MYT1L: variants seen among roughly 807,000 people sequenced by gnomAD.
MYT1L encodes myelin transcription factor 1 like, also known as myelin transcription factor 1-like protein.
In MYT1L, 12 loss-of-function variants were observed where a neutral mutation model predicts 126.7. The observed-to-expected ratio is 0.09, with a 90% CI of 0.06 to 0.15. The LOEUF is 0.15. Ranked by LOEUF, MYT1L falls within the 10% of genes least tolerant of loss-of-function variation. The probability of loss-of-function intolerance (pLI) is 1.00; values close to 1 mark genes in which losing one functional copy is unlikely to be tolerated. For missense variants in MYT1L, 979 were observed against 1,585.2 expected, an observed-to-expected ratio of 0.62 and a Z score of 6.49; for synonymous variants, 541 against 604.2, an observed-to-expected ratio of 0.90 and a Z score of 1.53.
intron 21 of MYT1L, among the ~76,000 whole-genome samples, chr2:1,820,932 G>A (rs200358100): frequency 2.0e-3 from 257 of 131,142 alleles, no homozygotes; most frequent in African/African-American, 7.2e-3. Flanking sequence ...ATATAACTAA[G>A]GTTTCCCCGA....
chr2:1,990,546 A>G (rs1405522564), intron 5 of MYT1L, among the ~76,000 whole-genome samples: 2 of 151,874 alleles, frequency 1.3e-5, no homozygotes, highest in East Asian at 1.9e-4. Context: ...AAGGAGCTCA[A>G]CCTCCCAGGG....
intron 5 of MYT1L, among the ~76,000 whole-genome samples, chr2:1,991,654 T>C (rs1022557317): frequency 2.6e-5 from 4 of 152,112 alleles, no homozygotes; most frequent in Non-Finnish European, 5.9e-5. Context: ...TGTCCATCCC[T>C]CTCGCCTGGT....
chr2:2,046,101 A>G (rs1159128011), intron 4 of MYT1L, among the ~76,000 whole-genome samples: 1 of 152,240 alleles, frequency 6.6e-6, no homozygotes, highest in Non-Finnish European at 1.5e-5. Context: ...TATGCATGGC[A>G]CAGCATTCTT....
intron 4 of MYT1L, among the ~76,000 whole-genome samples, chr2:2,025,694 G>A (rs372822319): frequency 2.0e-5 from 3 of 152,340 alleles, no homozygotes; most frequent in African/African-American, 7.2e-5. Context: ...ACTCACCTGT[G>A]ACAGTGTGAC....
chr2:1,963,406 G>A (rs1422968441), intron 8 of MYT1L, among the ~76,000 whole-genome samples: 1 of 152,206 alleles, frequency 6.6e-6, no homozygotes, highest in Non-Finnish European at 1.5e-5. Context: ...GAATGTAAAT[G>A]AGCATAAGCT....
intron 2 of MYT1L, among the ~76,000 whole-genome samples, chr2:2,264,992 C>G (rs6753548): frequency 0.59 from 89,650 of 151,846 alleles, 27,132 homozygotes; most frequent in East Asian, 0.9. Flanking sequence ...ACTTACTGGT[C>G]AGAACATCTT....
At chr2:2,277,397 C>T (rs1362635843) in intron 2 of MYT1L, among the ~76,000 whole-genome samples, 1 of 152,304 alleles carries the variant, frequency 6.6e-6, no homozygotes, top group Admixed American at 6.5e-5. Context: ...TGTTACCTCC[C>T]ATCAAGTAAT....
At chr2:2,220,670 G>C (rs2093835352) in intron 2 of MYT1L, among the ~76,000 whole-genome samples, 1 of 152,138 alleles carries the variant, frequency 6.6e-6, no homozygotes, top group Non-Finnish European at 1.5e-5. Flanking sequence ...GTATGGCAAA[G>C]AAGCATGTTT....
chr2:2,180,129 T>C (rs2091251240), intron 2 of MYT1L, among the ~76,000 whole-genome samples: 2 of 152,186 alleles, frequency 1.3e-5, no homozygotes, highest in Non-Finnish European at 2.9e-5. Context: ...CTGTTCATTT[T>C]TGTATTACCA....
chr2:2,272,008 C>A (rs536439712), intron 2 of MYT1L, among the ~76,000 whole-genome samples: 11 of 152,346 alleles, frequency 7.2e-5, no homozygotes, highest in Admixed American at 2.0e-4. Context: ...TCACAGGCTA[C>A]ACGGCTGCCT....
intron 18 of MYT1L, among the ~76,000 whole-genome samples, chr2:1,881,787 C>G (rs774249193): frequency 8.6e-5 from 13 of 151,354 alleles, no homozygotes; most frequent in African/African-American, 1.7e-4. Context: ...AATAAATTCT[C>G]TGTGTGTGTG....
chr2:1,996,702 T>C (rs1290177821), intron 5 of MYT1L, among the ~76,000 whole-genome samples: 42 of 106,376 alleles, frequency 3.9e-4, no homozygotes, highest in Admixed American at 6.1e-4. Flanking sequence ...CGAGTGTAGA[T>C]GGGCCGCCTT....
At chr2:2,180,598 CTGTG>C (rs146382891) in intron 2 of MYT1L, among the ~76,000 whole-genome samples, 11 of 148,354 alleles carry the variant, frequency 7.4e-5, no homozygotes, top group African/African-American at 2.5e-4. Context: ...ATGTGTGTAC[CTGTG>C]TGTGTGCTTA....
At chr2:2,251,181 T>C (rs548756166) in intron 2 of MYT1L, among the ~76,000 whole-genome samples, 88 of 152,336 alleles carry the variant, frequency 5.8e-4, no homozygotes, top group African/African-American at 2.1e-3. Flanking sequence ...TCAATCCTCA[T>C]TTACAGGTAT....
chr2:1,825,565 A>T (rs1380819281), intron 21 of MYT1L: 1 of 152,182 alleles, frequency 6.6e-6, no homozygotes, highest in Non-Finnish European at 1.5e-5. Context: ...GAGAACGTCA[A>T]AGTTTTTTGT....
At chr2:2,019,463 A>G (rs903259362) in intron 4 of MYT1L, among the ~76,000 whole-genome samples, 5 of 152,222 alleles carry the variant, frequency 3.3e-5, no homozygotes, top group African/African-American at 4.8e-5. Context: ...AGACTTATAC[A>G]ATGCCCAAGG....
chr2:1,843,158 C>T (rs2042038841), intron 19 of MYT1L, among the ~76,000 whole-genome samples: 1 of 152,260 alleles, frequency 6.6e-6, no homozygotes, highest in Non-Finnish European at 1.5e-5. Flanking sequence ...TTGTCTGTGG[C>T]TCGTTCCCAG....
intron 2 of MYT1L, 37 bp from the exon 3 acceptor site, chr2:2,173,025 A>C (rs1296237403): frequency 1.3e-5 from 2 of 152,278 alleles, no homozygotes; most frequent in Non-Finnish European, 2.9e-5. Context: ...TACCTTAAGT[A>C]AGAGAAGGGA....
At chr2:2,088,117 G>A (rs565474508) in intron 3 of MYT1L, among the ~76,000 whole-genome samples, 12 of 152,192 alleles carry the variant, frequency 7.9e-5, no homozygotes, top group African/African-American at 2.4e-4. Flanking sequence ...AGTGTGGCTC[G>A]TTACAGCACT....
Sources: gnomAD v4.1 joint callset for allele counts (sites outside exome capture counted in the v4.1 genomes callset) on GRCh38, gnomAD v4.1.1 for gene constraint, MANE v1.5 for transcripts, NCBI Gene and HGNC (gene_info 2026-07-23, HGNC 2026-07-21) for gene names.